DHRS7B: variants seen among roughly 807,000 people sequenced by gnomAD.
DHRS7B encodes the protein dehydrogenase/reductase 7B, also known as peroxisomal reductase activating PPAR-gamma.
A neutral mutation model predicts 26.4 loss-of-function variants in DHRS7B; 24 were observed. The observed-to-expected ratio is 0.91, with a 90% CI of 0.66 to 1.28. The LOEUF (loss-of-function observed/expected upper bound fraction) is 1.28, where lower values mean the gene tolerates loss of function less well. Among genes scored for constraint, DHRS7B ranks in the 50% most tolerant of loss-of-function variants. The pLI is 0.00. For synonymous variants in DHRS7B, 142 were observed against 166.4 expected (o/e 0.85, Z 1.13); for missense variants, 368 against 419.4 (o/e 0.88, Z 1.07).
chr17:21,171,085 C>G (rs1466866202), intron 1 of DHRS7B, among the ~76,000 whole-genome samples: 3 of 152,114 alleles, frequency 2.0e-5, no homozygotes, highest in Non-Finnish European at 4.4e-5. Context: ...CTGGCTCGCT[C>G]GTCAAGTGGC....
At chr17:21,132,094 A>C (rs942044149) in intron 1 of DHRS7B, among the ~76,000 whole-genome samples, 26 of 152,156 alleles carry the variant, frequency 1.7e-4, no homozygotes, top group Non-Finnish European at 8.8e-5. Context: ...ACAAAGAATG[A>C]TTTGCAGATC....
In DHRS7B at chr17:21,168,815, G is replaced by T. The variant is rs542588886; in HGVS notation, c.21-3203G>T. 4.1e-6 allele frequency: 4 copies of T among 985,352 alleles called. No individual in the cohort carries two copies. In the African/African-American group the frequency reaches 5.2e-5, roughly 13 times the overall value. The allele number at this position is 985,352 out of a possible 1,614,324, so 61.0% of individuals were successfully genotyped here. A position where few individuals can be genotyped will look rare whatever the true frequency, so the allele number is the denominator to read the frequency against. On this transcript the variant is annotated intron_variant, in intron 1 of 6. Coordinates refer to ENST00000395511, the MANE Select transcript of DHRS7B (RefSeq NM_015510.5). ...CGCCATGTTTGCCTCAGGCAAAGTG[G>T]TCTCCAGGGCCAGGAGACCAAGGCT...
At chr17:21,156,547 T>C (rs1455020614) in intron 1 of DHRS7B, among the ~76,000 whole-genome samples, 3 of 129,588 alleles carry the variant, frequency 2.3e-5, no homozygotes, top group South Asian at 2.5e-4. Context: ...AGAGGTTGCA[T>C]TGAGCCAATA....
At chr17:21,128,280 G>A (rs980059427) in intron 1 of DHRS7B, 2 of 151,986 alleles carry the variant, frequency 1.3e-5, no homozygotes, top group African/African-American at 2.4e-5. Context: ...ACCCTGTCTT[G>A]GCTGGGCGCA....
intron 1 of DHRS7B, among the ~76,000 whole-genome samples, chr17:21,130,293 G>A (rs1270311976): frequency 1.3e-5 from 2 of 152,158 alleles, no homozygotes; most frequent in African/African-American, 4.8e-5. Context: ...AGGAGGCTGA[G>A]GCAGGAGAAT....
At chr17:21,170,600 T>C (rs1007444299) in intron 1 of DHRS7B, among the ~76,000 whole-genome samples, 35 of 152,296 alleles carry the variant, frequency 2.3e-4, no homozygotes, top group African/African-American at 8.4e-4. Context: ...AATGTGGCTG[T>C]TTTTTATGGT....
At chr17:21,127,943 C>T (rs1462561010) in intron 1 of DHRS7B, 2 of 152,164 alleles carry the variant, frequency 1.3e-5, no homozygotes, top group Non-Finnish European at 2.9e-5. Flanking sequence ...TGTACATGTC[C>T]CCTTTTCTCC....
intron 3 of DHRS7B, 83 bp downstream of exon 3, chr17:21,178,425 A>T: frequency 8.7e-7 from 1 of 1,149,580 alleles, no homozygotes; most frequent in East Asian, 2.4e-5. Context: ...CCACTCCTGG[A>T]CTGCTGAGCT....
intron 5 of DHRS7B, 123 bp downstream of exon 5, chr17:21,184,586 C>G: frequency 1.1e-6 from 1 of 945,526 alleles, no homozygotes; most frequent in South Asian, 1.7e-5. Flanking sequence ...TGCAAAGGCA[C>G]TTGAGAATGT....
intron 1 of DHRS7B, among the ~76,000 whole-genome samples, chr17:21,166,854 C>T (rs2144087656): frequency 6.6e-6 from 1 of 152,252 alleles, no homozygotes; most frequent in Admixed American, 6.5e-5. Context: ...TATTTCATGG[C>T]TAATCCTTCT....
At chr17:21,190,475 C>T (rs954266940) in intron 6 of DHRS7B, among the ~76,000 whole-genome samples, 1 of 152,164 alleles carries the variant, frequency 6.6e-6, no homozygotes, top group Admixed American at 6.5e-5. Flanking sequence ...TCTGTCTGGC[C>T]ATCCTGAAGC....
intron 1 of DHRS7B, among the ~76,000 whole-genome samples, chr17:21,135,789 C>T (rs1452117302): frequency 1.3e-5 from 2 of 152,168 alleles, no homozygotes; most frequent in Non-Finnish European, 2.9e-5. Context: ...GTGCCTTTGA[C>T]ATTAATAATT....
chr17:21,129,035 T>C (rs1041330039), intron 1 of DHRS7B, among the ~76,000 whole-genome samples: 5 of 152,204 alleles, frequency 3.3e-5, no homozygotes, highest in Admixed American at 6.5e-5. Flanking sequence ...CAGATACTTA[T>C]TGAACGTTTA....
chr17:21,164,139 C>G (rs530761522), intron 1 of DHRS7B, among the ~76,000 whole-genome samples: 1 of 150,898 alleles, frequency 6.6e-6, no homozygotes, highest in African/African-American at 2.4e-5. Context: ...GGCAATCCTC[C>G]CACCTCAGCC....
chr17:21,132,529 T>TCC, intron 1 of DHRS7B, among the ~76,000 whole-genome samples: 1 of 32,368 alleles, frequency 3.1e-5, no homozygotes, highest in East Asian at 1.1e-3. Context: ...AGACCTTGTC[T>TCC]CAAAAAAAAA....
chr17:21,138,075 A>AAAT (rs1238830544), intron 1 of DHRS7B, among the ~76,000 whole-genome samples: 39 of 33,220 alleles, frequency 1.2e-3, no homozygotes, highest in Non-Finnish European at 1.5e-3. Context: ...TTAAAAAAAA[A>AAAT]ATATATATAT....
At position 21,166,042 on chromosome 17, in the gene DHRS7B, C is replaced by T. The variant is rs187079431; in HGVS notation, c.21-5976C>T. ...CCATAATGAACAGACAGACTTGGCG[C>T]GGGCTCTGCCTCCTGTTCATTGTCA... On this transcript the variant is annotated intron_variant, in intron 1 of 6. Coordinates refer to ENST00000395511, the MANE Select transcript of DHRS7B (RefSeq NM_015510.5). 13 of 494,518 alleles carry T rather than the reference C, an allele frequency of 2.6e-5. No individual in the cohort carries two copies. The East Asian group carries it at 7.6e-4, about 29-fold the overall frequency. The allele number at this position is 494,518 out of a possible 1,614,324, so 30.6% of individuals were successfully genotyped here.
At chr17:21,178,445 C>T (rs1304157472) in intron 3 of DHRS7B, 103 bp downstream of exon 3, 3 of 908,356 alleles carry the variant, frequency 3.3e-6, no homozygotes, top group African/African-American at 3.3e-5. Context: ...TGTAGGACAT[C>T]CATGCGTCAC....
chr17:21,184,025 A>C (rs1375283867), intron 4 of DHRS7B, among the ~76,000 whole-genome samples: 1 of 152,134 alleles, frequency 6.6e-6, no homozygotes, highest in Non-Finnish European at 1.5e-5. Context: ...CATTACCTAC[A>C]TGTCTTTTTC....
Sources: allele counts gnomAD v4.1 joint callset (sites outside exome capture counted in the v4.1 genomes callset), GRCh38; gene constraint gnomAD v4.1.1; transcripts MANE v1.5; gene names NCBI Gene and HGNC (gene_info 2026-07-23, HGNC 2026-07-21).